Variants in EP400 observed in about 807,000 individuals in gnomAD.
EP400 encodes the protein E1A binding protein p400, also known as E1A-binding protein p400.
In EP400, 105 loss-of-function variants were observed where a neutral mutation model predicts 354.1. The ratio of observed to expected loss-of-function variants is 0.30; its 90% CI spans 0.25 to 0.35. The LOEUF is 0.35. Among genes scored for constraint, EP400 ranks in the 10% least tolerant of loss-of-function variants. EP400 has a pLI of 1.00. For missense variants in EP400, 3,280 were observed against 4,121.0 expected, an observed-to-expected ratio of 0.80 and a Z score of 5.59; for synonymous variants, 1,646 against 1,716.9, an observed-to-expected ratio of 0.96 and a Z score of 1.02.
intron 2 of EP400, among the ~76,000 whole-genome samples, chr12:131,971,313 G>T (rs1241075209): frequency 6.6e-6 from 1 of 152,156 alleles, no homozygotes; most frequent in African/African-American, 2.4e-5. Flanking sequence ...GTTGTAAATG[G>T]CAGGATTTCC....
At chr12:132,072,701 G>C (rs1370749312) in intron 51 of EP400, among the ~76,000 whole-genome samples, 1 of 152,192 alleles carries the variant, frequency 6.6e-6, no homozygotes, top group African/African-American at 2.4e-5. Flanking sequence ...TCGGTCTTCT[G>C]TGTGTCCTGC....
chr12:132,033,803 A>T (rs185415357), intron 30 of EP400, among the ~76,000 whole-genome samples: 64 of 152,326 alleles, frequency 4.2e-4, no homozygotes, highest in Admixed American at 1.6e-3. Context: ...AAATGCTGGG[A>T]TTACAGGCAT....
At chr12:131,985,323 A>G (rs1892818298) in intron 5 of EP400, among the ~76,000 whole-genome samples, 1 of 152,250 alleles carries the variant, frequency 6.6e-6, no homozygotes. Context: ...GCTCACGGAC[A>G]GCACGTAAGT....
At chr12:131,963,148 C>T (rs1383433535) in intron 2 of EP400, among the ~76,000 whole-genome samples, 5 of 152,160 alleles carry the variant, frequency 3.3e-5, no homozygotes, top group Non-Finnish European at 7.4e-5. Context: ...AAAACAAATT[C>T]GTTTTTCCAA....
At chr12:132,016,011 C>T (rs1893919708) in intron 19 of EP400, among the ~76,000 whole-genome samples, 1 of 152,216 alleles carries the variant, frequency 6.6e-6, no homozygotes, top group African/African-American at 2.4e-5. Context: ...CTTGTGCCGG[C>T]CTCTCCTGGT....
Position 131,976,567 on chromosome 12 carries a change from C to CCGGGCATGGTGG in EP400, c.1336-3124_1336-3113dup, listed in dbSNP as rs1409496900. ...TCTCTACTAAAAATACAAAAATTAG[C>CCGGGCATGGTGG]CGGGCATGGTGGCGCACCTGTAGTC... On this transcript the variant is annotated intron_variant, in intron 2 of 52. Coordinates refer to ENST00000389561, the MANE Select transcript of EP400 (RefSeq NM_015409.5). 2.6e-5 allele frequency among the ~76,000 whole-genome samples: 4 copies of CCGGGCATGGTGG among 152,068 alleles called. No homozygotes were observed. In the East Asian group the frequency reaches 7.7e-4, roughly 29 times the overall value.
intron 19 of EP400, among the ~76,000 whole-genome samples, chr12:132,015,673 A>C (rs142593648): frequency 6.6e-6 from 1 of 152,302 alleles, no homozygotes; most frequent in East Asian, 1.9e-4. Flanking sequence ...GCTTTGTGGC[A>C]TCTGCTCCCT....
intron 2 of EP400, among the ~76,000 whole-genome samples, chr12:131,962,532 T>C (rs1170614068): frequency 6.6e-6 from 1 of 152,202 alleles, no homozygotes; most frequent in African/African-American, 2.4e-5. Flanking sequence ...GGCAAAAAAC[T>C]GTTTGAGAAG....
Position 132,069,620 on chromosome 12 carries a change from G to A in EP400, c.9000G>A (p.Gln3000=), listed in dbSNP as rs767166830. The A allele has an allele frequency of 1.9e-6, 3 of 1,614,230 alleles. No individual in the cohort carries two copies. The highest frequency in any genetic ancestry group is 4.5e-5 in the East Asian group (2 of 44,888). ...AGGCCCAGAAACTGGCCGGGGCCCAGCAAGTGCAGACCCAGATCCAGGTGA... is the reference window on the plus strand; with the variant it reads ...AGGCCCAGAAACTGGCCGGGGCCCAACAAGTGCAGACCCAGATCCAGGTGA... ...ISQAQKLAGA[Q]QVQTQIQVAK... is the part of the protein sequence containing the mutation. The change falls in exon 51 of 53, where the codon CAG becomes CAA. Residue 3000 remains glutamine, a synonymous_variant. Coordinates refer to ENST00000389561, the MANE Select transcript of EP400 (RefSeq NM_015409.5).
chr12:132,016,123 T>C (rs1389948107), intron 19 of EP400, among the ~76,000 whole-genome samples: 1 of 152,230 alleles, frequency 6.6e-6, no homozygotes, highest in East Asian at 1.9e-4. Flanking sequence ...AGCCATTCTT[T>C]TTGAAGCATG....
chr12:132,040,731 G>C (rs1170165303), intron 32 of EP400, among the ~76,000 whole-genome samples: 1 of 152,226 alleles, frequency 6.6e-6, no homozygotes, highest in African/African-American at 2.4e-5. Flanking sequence ...GCTGAATCCA[G>C]GGGAGAATGT....
rs758389720 is a variant in EP400, at chr12:132,043,622, C to T, written c.6367-23C>T. ...TTATTAACTTGCTATTAACCCTATTCAAAAAATATACTTTTGGAACAGCTT... is the reference window on the plus strand; with the variant it reads ...TTATTAACTTGCTATTAACCCTATTTAAAAAATATACTTTTGGAACAGCTT... On this transcript the variant is annotated intron_variant, in intron 33 of 52. Transcript: ENST00000389561. 4.4e-6 allele frequency: 7 copies of T among 1,595,102 alleles called. No homozygotes were observed. In the South Asian group the frequency reaches 5.8e-5, roughly 13 times the overall value.
chr12:132,039,199 C>T (rs1201050265), intron 32 of EP400, among the ~76,000 whole-genome samples: 1 of 152,160 alleles, frequency 6.6e-6, no homozygotes, highest in African/African-American at 2.4e-5. Flanking sequence ...GTAAGAAATA[C>T]TTGGGGTATG....
chr12:132,050,334 C>T lies in EP400; in HGVS notation c.7212C>T (p.Asn2404=), dbSNP rs1227302716. 6.2e-7 allele frequency: 1 copy of T among 1,614,116 alleles called. No homozygotes were observed. Among genetic ancestry groups the T allele is most frequent in the South Asian group, 1.1e-5 (1 of 91,078 alleles). ...CAATTTCATTGCAGAGTAAAAACAA[C>T]CGTCCTCTCCGTACGAGCCAGATCT... is the stretch of plus-strand genomic sequence containing the variant. The part of the protein sequence containing the change: ...IPREEGKSKN[N]RPLRTSQIYA... Residue 2404 remains asparagine, a synonymous_variant, in exon 40 of 53, where the codon AAC becomes AAT. Transcript: ENST00000389561. The surrounding 1 kb of genome is among the most constrained non-coding windows in gnomAD (Gnocchi z 4.8).
intron 2 of EP400, among the ~76,000 whole-genome samples, chr12:131,973,816 A>G (rs756018454): frequency 1.5e-4 from 23 of 152,138 alleles, no homozygotes; most frequent in Non-Finnish European, 3.1e-4. Context: ...GAGTGCAGCT[A>G]TAGTATAAAA....
rs767621641 is a variant in EP400, at chr12:132,013,902, C to T, written c.3912C>T (p.Ile1304=). 30 of 1,614,102 alleles carry T rather than the reference C, an allele frequency of 1.9e-5. No individual in the cohort carries two copies. The Middle Eastern group carries it at 4.9e-4, about 27-fold the overall frequency. ...AAAAAGCCTTATACGAGGACGTTATCCTGCAACCTGGGTGAGTGTGGGCTC... is the reference window on the plus strand; with the variant it reads ...AAAAAGCCTTATACGAGGACGTTATTCTGCAACCTGGGTGAGTGTGGGCTC... ...NRQKALYEDV[I]LQPGTQEALK... is the part of the protein sequence containing the mutation. The change falls in exon 19 of 53, where the codon ATC becomes ATT. Residue 1304 remains isoleucine (I), a synonymous_variant. Coordinates refer to ENST00000389561, the MANE Select transcript of EP400 (RefSeq NM_015409.5). This position sits in a 1 kb window ranked among gnomAD's most constrained non-coding sequence, Gnocchi z 4.5.
At position 132,029,919 on chromosome 12, in the gene EP400, G is replaced by T. The variant is rs750565876; in HGVS notation, c.5584+16G>T. The T allele has an allele frequency of 3.1e-6, 5 of 1,611,524 alleles. No homozygotes were observed. Among genetic ancestry groups the T allele is most frequent in the Non-Finnish European group, 4.2e-6 (5 of 1,179,230 alleles). On this transcript the variant is annotated intron_variant, in intron 28 of 52. Transcript: ENST00000389561. The surrounding 1 kb of genome is among the most constrained non-coding windows in gnomAD (Gnocchi z 4.7). Reference sequence around the variant, plus strand: ...TTCGACTCAGGTATGCGGCAGTTGGGGGCGTGGCCCGTGCGGGAGCTGCAC... The same window carrying T: ...TTCGACTCAGGTATGCGGCAGTTGGTGGCGTGGCCCGTGCGGGAGCTGCAC...
intron 30 of EP400, among the ~76,000 whole-genome samples, chr12:132,034,519 C>T (rs1894628437): frequency 6.6e-6 from 1 of 152,190 alleles, no homozygotes; most frequent in South Asian, 2.1e-4. Flanking sequence ...GTGTGGACGT[C>T]CTGATGAAGG....
chr12:132,035,517 G>C lies in EP400; in HGVS notation c.5952-2165G>C, dbSNP rs117613864. On this transcript the variant is annotated intron_variant, in intron 30 of 52. Coordinates refer to ENST00000389561, the MANE Select transcript of EP400 (RefSeq NM_015409.5). ...AAGTGACGGTACATGGAGCATCGTG[G>C]AAGGGCACACCCAGGTTCACACACA... 7.0e-3 allele frequency among the ~76,000 whole-genome samples: 1,068 copies of C among 152,324 alleles called. 34 individuals carry two copies. The South Asian group carries it at 0.092, about 13-fold the overall frequency.
Sources: allele counts gnomAD v4.1 joint callset (sites outside exome capture counted in the v4.1 genomes callset), GRCh38; gene constraint gnomAD v4.1.1; non-coding constraint Gnocchi (gnomAD v3.1); transcripts MANE v1.5; gene names NCBI Gene and HGNC (gene_info 2026-07-23, HGNC 2026-07-21).